CYREN: variants seen among roughly 807,000 people sequenced by gnomAD.
CYREN encodes cell cycle regulator of NHEJ.
A neutral mutation model predicts 9.7 loss-of-function variants in CYREN; 7 were observed. The ratio of observed to expected loss-of-function variants is 0.72; its 90% CI spans 0.41 to 1.36. CYREN has a LOEUF of 1.36. CYREN is among the 40% of genes most tolerant of loss of function. The probability of loss-of-function intolerance (pLI) is 0.01; values close to 1 mark genes in which losing one functional copy is unlikely to be tolerated. For synonymous variants in CYREN, 76 were observed against 77.9 expected (o/e 0.98, Z 0.13); for missense variants, 215 against 198.1 (o/e 1.09, Z -0.51).
At chr7:135,119,439 C>T (rs1826809581) in intron 2 of CYREN, among the ~76,000 whole-genome samples, 1 of 151,860 alleles carries the variant, frequency 6.6e-6, no homozygotes, top group Non-Finnish European at 1.5e-5. Context: ...CTGTGTTGGC[C>T]ATGCTGGTCT....
intron 2 of CYREN, among the ~76,000 whole-genome samples, chr7:135,122,022 A>AG (rs1037742531): frequency 6.6e-6 from 1 of 152,178 alleles, no homozygotes; most frequent in African/African-American, 2.4e-5. Context: ...AGAGCTCCCC[A>AG]GGGGAGGCAT....
downstream of CYREN, among the ~76,000 whole-genome samples, chr7:135,162,799 A>C (rs1230081596): frequency 6.6e-6 from 1 of 152,222 alleles, no homozygotes; most frequent in South Asian, 2.1e-4. Context: ...TGGAAAATAC[A>C]CATATGTAAA....
upstream of CYREN, among the ~76,000 whole-genome samples, chr7:135,171,628 A>G (rs949241415): frequency 6.6e-6 from 1 of 152,186 alleles, no homozygotes; most frequent in Non-Finnish European, 1.5e-5. Context: ...GAAATTGTGC[A>G]CTCGGGGAGC....
At chr7:135,114,050 T>G (rs184550051) in intron 2 of CYREN, among the ~76,000 whole-genome samples, 133 of 152,354 alleles carry the variant, frequency 8.7e-4, no homozygotes, top group African/African-American at 3.1e-3. Context: ...TTTTTAAGAC[T>G]AAATAATATT....
chr7:135,149,701 A>G (rs1829623996), intron 2 of CYREN, among the ~76,000 whole-genome samples: 1 of 152,222 alleles, frequency 6.6e-6, no homozygotes. Context: ...TTTTACCTAC[A>G]GTGTTGATAG....
chr7:135,164,087 CCT>C (rs1355655182), downstream of CYREN, among the ~76,000 whole-genome samples: 1 of 152,220 alleles, frequency 6.6e-6, no homozygotes, highest in Non-Finnish European at 1.5e-5. Flanking sequence ...TGAGAAATCC[CCT>C]CACTAATGTT....
chr7:135,135,323 AG>A, intron 2 of CYREN: 1 of 1,352,390 alleles, frequency 7.4e-7, no homozygotes, highest in South Asian at 2.0e-5. Flanking sequence ...TGTAGTAAAA[AG>A]AAAAAAAGGA....
At position 135,099,968 on chromosome 7, in the gene CYREN, A is replaced by T. The variant is rs528004856; in HGVS notation, n.357-5386T>A. The T allele has an allele frequency of 2.1e-5, 3 of 141,960 alleles. No homozygotes were observed. The South Asian group carries it at 6.8e-4, about 32-fold the overall frequency. The allele number at this position is 141,960 out of a possible 1,614,324, so 8.8% of individuals were successfully genotyped here. A position where few individuals can be genotyped will look rare whatever the true frequency, so the allele number is the denominator to read the frequency against. ...AGTGGCATGATCTCAGCTCACTGCAAGCTCCGCCTCCCAGGTTCACGCCAT... is the reference window on the plus strand; with the variant it reads ...AGTGGCATGATCTCAGCTCACTGCATGCTCCGCCTCCCAGGTTCACGCCAT... On this transcript the variant is annotated intron_variant and non_coding_transcript_variant, in intron 2 of 2. Coordinates refer to the CYREN transcript ENST00000459937.
rs752900315 is a variant in CYREN, at chr7:135,166,613, A to G, written c.472T>C (p.Ter158GlnextTer64). The change falls in exon 4 of 4, where the codon TAG becomes CAG. Residue 158 changes from the stop codon to glutamine (Q), a stop_lost. Coordinates refer to ENST00000393114, the MANE Select transcript of CYREN (RefSeq NM_024033.4). ...CAGTTCAGTGCACAGTTTATGCCCT[A>G]GCTGAAAAAGATCTCCCGGACGTAT... Reference protein sequence around the residue: ...LKYVREIFFS* With the variant: ...LKYVREIFFSQ 2 of 1,590,882 alleles carry G rather than the reference A, an allele frequency of 1.3e-6. No homozygotes were observed. The highest frequency in any genetic ancestry group is 1.1e-5 in the South Asian group (1 of 89,526).
chr7:135,157,881 A>G (rs1161819509), intron 2 of CYREN, among the ~76,000 whole-genome samples: 1 of 152,122 alleles, frequency 6.6e-6, no homozygotes, highest in Non-Finnish European at 1.5e-5. Flanking sequence ...ATCAGCATTA[A>G]ACTCTCAAAA....
chr7:135,155,640 A>G (rs1016477290), intron 2 of CYREN, among the ~76,000 whole-genome samples: 1 of 152,180 alleles, frequency 6.6e-6, no homozygotes, highest in Admixed American at 6.5e-5. Context: ...TAATTGATGG[A>G]AGGTGGTCAA....
At chr7:135,116,345 CTCTTTA>C (rs1194199820) in intron 2 of CYREN, among the ~76,000 whole-genome samples, 2 of 152,112 alleles carry the variant, frequency 1.3e-5, no homozygotes, top group Non-Finnish European at 2.9e-5. Context: ...TTTGCCATTT[CTCTTTA>C]TAAGTGAAAA....
At chr7:135,137,990 C>T (rs978313343) in intron 2 of CYREN, among the ~76,000 whole-genome samples, 12 of 151,260 alleles carry the variant, frequency 7.9e-5, no homozygotes, top group East Asian at 2.0e-4. Context: ...TCTTCTAATA[C>T]GATCACACTA....
In CYREN at chr7:135,169,046, G is replaced by C; in HGVS notation, c.-124C>G. The C allele has an allele frequency of 1.1e-6, 1 of 893,994 alleles. No individual in the cohort carries two copies. The highest frequency in any genetic ancestry group is 2.8e-5 in the East Asian group (1 of 35,992). 55.4% of individuals were successfully genotyped at this position (893,994 alleles called of 1,614,324 possible). A position where few individuals can be genotyped will look rare whatever the true frequency, so the allele number is the denominator to read the frequency against. On this transcript the variant is annotated 5_prime_UTR_variant, in exon 2 of 4. Coordinates refer to ENST00000393114, the MANE Select transcript of CYREN (RefSeq NM_024033.4). ...ACAGGTCCATTTGTCCTCAGTGGGA[G>C]TTGATCTTTGATTCCTACAAAGAAC...
intron 2 of CYREN, among the ~76,000 whole-genome samples, chr7:135,098,314 A>G (rs998703221): frequency 6.6e-6 from 1 of 152,208 alleles, no homozygotes; most frequent in African/African-American, 2.4e-5. Flanking sequence ...GTTTGCATAT[A>G]ACCTATGCAT....
Position 135,115,460 on chromosome 7 carries a change from G to T in CYREN, n.357-20878C>A, listed in dbSNP as rs906547227. ...GAAGACTGGCATAAATTGGACAGAT[G>T]ATGAAAAAAGAAGCTACAAGGATAA... On this transcript the variant is annotated intron_variant and non_coding_transcript_variant, in intron 2 of 2. Coordinates refer to the CYREN transcript ENST00000459937. 2.6e-6 allele frequency: 4 copies of T among 1,549,416 alleles called. No homozygotes were observed. In the African/African-American group the frequency reaches 5.5e-5, roughly 21 times the overall value.
rs186249186 is a variant in CYREN at position 135,145,647 on chromosome 7, T to G, written n.356+23102A>C. On this transcript the variant is annotated intron_variant and non_coding_transcript_variant, in intron 2 of 2. Transcript: ENST00000459937. ...AAACCAAGCAAGCAAACAAACTTTT[T>G]AAAAAAAGCAATTATCTTCAGAGAA... Among the ~76,000 whole-genome samples, 19 of 152,206 alleles carry G rather than the reference T, an allele frequency of 1.2e-4. No individual in the cohort carries two copies. The East Asian group carries it at 3.5e-3, about 28-fold the overall frequency.
intron 2 of CYREN, chr7:135,094,696 A>G (rs150905362): frequency 1.1e-4 from 38 of 358,096 alleles, no homozygotes; most frequent in African/African-American, 7.5e-4. Flanking sequence ...AATAGGTTAG[A>G]GACAAATGAA....
At chr7:135,164,971 G>C, downstream of CYREN, 1 of 1,603,910 alleles carries the variant, frequency 6.2e-7, no homozygotes, top group Non-Finnish European at 8.5e-7. Context: ...AGGGCTGAGA[G>C]GGCTGAGAGC....
Sources: allele counts gnomAD v4.1 joint callset (sites outside exome capture counted in the v4.1 genomes callset), GRCh38; gene constraint gnomAD v4.1.1; transcripts MANE v1.5; gene names NCBI Gene and HGNC (gene_info 2026-07-23, HGNC 2026-07-21).